The following NUDC variants were observed in gnomAD, a reference collection of about 807,000 sequenced individuals.
NUDC encodes the protein nuclear migration protein nudC.
A neutral mutation model predicts 45.0 loss-of-function variants in NUDC; 14 were observed. The ratio of observed to expected loss-of-function variants is 0.31; its 90% confidence interval spans 0.21 to 0.49. NUDC has a LOEUF of 0.49. NUDC is among the 20% of genes least tolerant of loss of function. The pLI, the probability that NUDC is intolerant of heterozygous loss-of-function variation, is 0.99. For missense variants in NUDC, 323 were observed against 426.2 expected, an observed-to-expected ratio of 0.76 and a Z score of 2.13; for synonymous variants, 153 against 156.7, an observed-to-expected ratio of 0.98 and a Z score of 0.17.
In NUDC at chr1:26,943,037, G is replaced by C. The variant is rs868227978; in HGVS notation, c.713G>C (p.Gly238Ala). 4 of 1,614,122 alleles carry C rather than the reference G, an allele frequency of 2.5e-6. No individual in the cohort carries two copies. The highest frequency in any genetic ancestry group is 1.6e-4 in the Middle Eastern group (1 of 6,062). The change falls in exon 6 of 9, where the codon GGC becomes GCC. Residue 238 changes from glycine to alanine, a missense_variant. Around this residue, in one of 3 missense-constraint regions of NUDC, gnomAD observed 245 missense variants for 278.8 expected, o/e 0.88. Transcript: ENST00000321265. ...VEESSWLIED[G>A]KVVTVHLEKI... ...GAGAGCTCGTGGCTCATTGAGGACG[G>C]CAAGGTGGTGACTGTGCATCTGGAG...
At chr1:26,943,747 T>G (rs1460047500) in intron 6 of NUDC, among the ~76,000 whole-genome samples, 2 of 152,166 alleles carry the variant, frequency 1.3e-5, no homozygotes, top group African/African-American at 2.4e-5. Context: ...TCAACCTCAC[T>G]GCCTTTACAG....
At chr1:26,943,406 G>A (rs551856666) in intron 6 of NUDC, among the ~76,000 whole-genome samples, 2 of 152,030 alleles carry the variant, frequency 1.3e-5, no homozygotes, top group East Asian at 1.9e-4. Context: ...GTAGAGACCG[G>A]GGGGTCTCAC....
At chr1:26,906,555 T>C (rs2082003834) in intron 2 of NUDC, among the ~76,000 whole-genome samples, 1 of 151,502 alleles carries the variant, frequency 6.6e-6, no homozygotes, top group Non-Finnish European at 1.5e-5. Flanking sequence ...CAGCTCTCAA[T>C]AAATGTTACG....
intron 1 of NUDC, among the ~76,000 whole-genome samples, 156 bp from the exon 2 acceptor site, chr1:26,923,931 AAG>A (rs776161335): frequency 6.6e-6 from 1 of 152,166 alleles, no homozygotes; most frequent in Non-Finnish European, 1.5e-5. Context: ...GGAAGTGACT[AAG>A]AGAACCTGCT....
intron 3 of NUDC, among the ~76,000 whole-genome samples, chr1:26,916,092 G>GAAT (rs1414375751): frequency 6.6e-6 from 1 of 152,012 alleles, no homozygotes; most frequent in Non-Finnish European, 1.5e-5. Flanking sequence ...CCCTCTTTAA[G>GAAT]AATAGAATAC....
At position 26,945,295 on chromosome 1, in the gene NUDC, G is replaced by A; in HGVS notation, c.742-95G>A. The A allele has an allele frequency of 6.2e-6, 6 of 975,018 alleles. No individual in the cohort carries two copies. The South Asian group carries it at 7.9e-5, about 13-fold the overall frequency. The allele number at this position is 975,018 out of a possible 1,614,324, so 60.4% of individuals were successfully genotyped here. A position where few individuals can be genotyped will look rare whatever the true frequency, so the allele number is the denominator to read the frequency against. On this transcript the variant is annotated intron_variant, in intron 6 of 8. Coordinates refer to ENST00000321265, the MANE Select transcript of NUDC (RefSeq NM_006600.4). ...CCTGCAAGGGTCTCAGGTGCAGGAT[G>A]TGGATGGGAGAGAGTTTGGTTGTGA... is the stretch of plus-strand genomic sequence containing the variant.
At chr1:26,942,849 T>C in intron 5 of NUDC, 22 bp from the exon 6 acceptor site, 1 of 1,613,932 alleles carries the variant, frequency 6.2e-7, no homozygotes, top group Non-Finnish European at 8.5e-7. Flanking sequence ...TGGCCTCTTC[T>C]GACTGCCTCT....
upstream of NUDC, among the ~76,000 whole-genome samples, chr1:26,920,256 G>A (rs1248523487): frequency 3.9e-5 from 6 of 152,126 alleles, no homozygotes; most frequent in Admixed American, 6.6e-5. Context: ...TTGCGAGGCC[G>A]AGGCAGGTGG....
intron 2 of NUDC, among the ~76,000 whole-genome samples, chr1:26,929,181 C>G (rs971615793): frequency 6.6e-6 from 1 of 152,136 alleles, no homozygotes; most frequent in East Asian, 1.9e-4. Context: ...ACAGTTGATC[C>G]TTTGTATCCG....
exon 3 of NUDC, chr1:26,911,143 A>G (rs1415154278): frequency 2.1e-6 from 1 of 471,062 alleles, no homozygotes; most frequent in Admixed American, 2.3e-5. Context: ...GGGGAAGTGA[A>G]TGATCTCAAA....
At position 26,921,768 on chromosome 1, in the gene NUDC, T is replaced by A; in HGVS notation, c.-81T>A. On this transcript the variant is annotated 5_prime_UTR_variant, in exon 1 of 9. Coordinates refer to ENST00000321265, the MANE Select transcript of NUDC (RefSeq NM_006600.4). ...GCGGAAGGCGGACGACTAGAGTCGTTGGGCCCGGCGCGACCCGCAGGAGCG... is the reference window on the plus strand; with the variant it reads ...GCGGAAGGCGGACGACTAGAGTCGTAGGGCCCGGCGCGACCCGCAGGAGCG... 6.9e-7 allele frequency: 1 copy of A among 1,452,614 alleles called. No homozygotes were observed. The highest frequency in any genetic ancestry group is 9.4e-7 in the Non-Finnish European group (1 of 1,061,580). 90.0% of individuals were successfully genotyped at this position (1,452,614 alleles called of 1,614,324 possible). A position where few individuals can be genotyped will look rare whatever the true frequency, so the allele number is the denominator to read the frequency against.
chr1:26,909,619 G>T (rs970985287), intron 2 of NUDC, among the ~76,000 whole-genome samples: 3 of 152,178 alleles, frequency 2.0e-5, no homozygotes, highest in African/African-American at 7.2e-5. Flanking sequence ...GCAGAAACTG[G>T]TAGGGCATAA....
chr1:26,904,358 C>T (rs981950289), intron 2 of NUDC, among the ~76,000 whole-genome samples: 6 of 151,580 alleles, frequency 4.0e-5, no homozygotes, highest in East Asian at 1.9e-4. Flanking sequence ...TTAGTAGAGA[C>T]GGGGTTTCAT....
intron 2 of NUDC, among the ~76,000 whole-genome samples, chr1:26,905,240 A>G (rs746534939): frequency 1.4e-5 from 2 of 142,680 alleles, no homozygotes; most frequent in Non-Finnish European, 3.0e-5. Context: ...GGCTCACTGC[A>G]ACCTCCGCCT....
At chr1:26,906,217 T>C (rs951707692) in intron 2 of NUDC, among the ~76,000 whole-genome samples, 11 of 151,362 alleles carry the variant, frequency 7.3e-5, no homozygotes, top group Non-Finnish European at 4.4e-5. Flanking sequence ...AGGTGGAGGT[T>C]GCGGTGAGCT....
intron 2 of NUDC, among the ~76,000 whole-genome samples, chr1:26,935,056 A>G (rs1204393832): frequency 2.0e-5 from 3 of 151,342 alleles, no homozygotes; most frequent in Non-Finnish European, 4.4e-5. Context: ...ATCTCAGCTC[A>G]CTGCAACCTC....
chr1:26,926,482 T>C (rs1214586938), intron 2 of NUDC, among the ~76,000 whole-genome samples: 1 of 152,222 alleles, frequency 6.6e-6, no homozygotes, highest in Non-Finnish European at 1.5e-5. Flanking sequence ...GTATTGTCAC[T>C]AACACCTCTG....
At chr1:26,917,454 C>T (rs1410837371), upstream of NUDC, among the ~76,000 whole-genome samples, 1 of 150,400 alleles carries the variant, frequency 6.6e-6, no homozygotes, top group Admixed American at 6.6e-5. Flanking sequence ...CCCAGCTTTT[C>T]GGGAGGCTGA....
At chr1:26,924,618 A>G (rs1322094329) in intron 2 of NUDC, among the ~76,000 whole-genome samples, 3 of 152,182 alleles carry the variant, frequency 2.0e-5, no homozygotes, top group African/African-American at 7.2e-5. Flanking sequence ...CAGTGGCGCA[A>G]TGTCGGCTCA....
Sources: allele counts gnomAD v4.1 joint callset (sites outside exome capture counted in the v4.1 genomes callset), GRCh38; gene constraint gnomAD v4.1.1; regional missense constraint gnomAD v4.1.1; transcripts MANE v1.5; gene names NCBI Gene and HGNC (gene_info 2026-07-23, HGNC 2026-07-21).